Variants in CSMD1 observed in about 807,000 individuals in gnomAD.
CSMD1 encodes the protein CUB and Sushi multiple domains 1.
A neutral mutation model predicts 417.5 loss-of-function variants in CSMD1; 213 were observed. That is an observed-to-expected ratio of 0.51 (90% confidence interval 0.46 to 0.57). The LOEUF (loss-of-function observed/expected upper bound fraction) is 0.57, where lower values mean the gene tolerates loss of function less well. CSMD1 is among the 20% of genes least tolerant of loss of function. CSMD1 has a pLI of 0.00. For missense variants in CSMD1, 6,923 were observed against 4,529.7 expected (o/e 1.53, Z -15.17); for synonymous variants, 2,862 against 1,736.8 (o/e 1.65, Z -16.11).
At position 3,954,345 on chromosome 8, in the gene CSMD1, A is replaced by T. The variant is rs530207710; in HGVS notation, c.818+43558T>A. On this transcript the variant is annotated intron_variant, in intron 5 of 69. Coordinates refer to ENST00000635120, the MANE Select transcript of CSMD1 (RefSeq NM_033225.6). ...GGCTGAAGAGAGAAGGTCAAGAGCCATTTAACTGGGATCCTAGGACTTTTT... is the reference window on the plus strand; with the variant it reads ...GGCTGAAGAGAGAAGGTCAAGAGCCTTTTAACTGGGATCCTAGGACTTTTT... Among the ~76,000 whole-genome samples the T allele has an allele frequency of 1.8e-3, 268 of 152,090 alleles. 2 individuals carry two copies. The highest frequency in any genetic ancestry group is 6.3e-3 in the African/African-American group (262 of 41,382).
chr8:3,462,796 T>A (rs1413847638), intron 12 of CSMD1, among the ~76,000 whole-genome samples: 1 of 151,554 alleles, frequency 6.6e-6, no homozygotes. Flanking sequence ...GGCTGGGGAC[T>A]CTTATCTAAG....
chr8:4,073,197 C>A (rs979217509), intron 3 of CSMD1, among the ~76,000 whole-genome samples: 2 of 151,692 alleles, frequency 1.3e-5, no homozygotes, highest in Non-Finnish European at 2.9e-5. Flanking sequence ...AAAGAACGCT[C>A]ACAACAATAA....
rs754939212 is a variant in CSMD1 at position 3,616,668 on chromosome 8, T to G, written c.1097+42A>C. On this transcript the variant is annotated intron_variant, in intron 8 of 69. Transcript: ENST00000635120. The stretch of plus-strand genomic sequence containing the variant: ...CTGCAAGCTGAAATAATATATGTCT[T>G]AAAAATAACATGCTTTTTTCCACCA... 2.3e-6 allele frequency: 3 copies of G among 1,304,562 alleles called. No individual in the cohort carries two copies. The South Asian group carries it at 3.7e-5, about 16-fold the overall frequency. 80.8% of individuals were successfully genotyped at this position (1,304,562 alleles called of 1,614,324 possible).
chr8:4,607,285 A>G (rs920919841), intron 2 of CSMD1, among the ~76,000 whole-genome samples: 1 of 136,738 alleles, frequency 7.3e-6, no homozygotes, highest in East Asian at 2.3e-4. Context: ...GAAAAAATAA[A>G]TAACAAAAAA....
At chr8:4,750,277 G>C (rs1300248209) in intron 1 of CSMD1, among the ~76,000 whole-genome samples, 2 of 152,162 alleles carry the variant, frequency 1.3e-5, no homozygotes, top group East Asian at 1.9e-4. Flanking sequence ...ACAGTGCTGG[G>C]ATTACAGGGT....
intron 1 of CSMD1, among the ~76,000 whole-genome samples, chr8:4,663,992 G>C (rs1048658340): frequency 1.3e-5 from 2 of 152,140 alleles, no homozygotes; most frequent in Non-Finnish European, 2.9e-5. Context: ...TGTTGTTTCT[G>C]GTTCGGGCAA....
chr8:4,466,533 G>A (rs1300344596), intron 2 of CSMD1, among the ~76,000 whole-genome samples: 1 of 152,188 alleles, frequency 6.6e-6, no homozygotes, highest in Non-Finnish European at 1.5e-5. Flanking sequence ...GGAAAGCTGT[G>A]TTTGGAAAAC....
intron 2 of CSMD1, among the ~76,000 whole-genome samples, chr8:4,571,497 G>C (rs971169335): frequency 2.0e-5 from 3 of 152,160 alleles, no homozygotes; most frequent in African/African-American, 7.2e-5. Flanking sequence ...TTGCACTGTG[G>C]TCTGAGAGAC....
At chr8:4,778,368 A>C (rs17071303) in intron 1 of CSMD1, among the ~76,000 whole-genome samples, 26,498 of 152,070 alleles carry the variant, frequency 0.17, 2,407 homozygotes, top group East Asian at 0.33. Context: ...TTTTTCCACA[A>C]AACTTGATTT....
intron 2 of CSMD1, among the ~76,000 whole-genome samples, chr8:4,512,618 A>T (rs1802882968): frequency 3.3e-5 from 5 of 152,186 alleles, no homozygotes; most frequent in African/African-American, 1.2e-4. Flanking sequence ...CTAATGCACA[A>T]AATAAATTGC....
At chr8:4,143,511 A>T (rs186711740) in intron 3 of CSMD1, among the ~76,000 whole-genome samples, 2 of 150,872 alleles carry the variant, frequency 1.3e-5, no homozygotes, top group African/African-American at 5.0e-5. Context: ...ACTAAAGAAG[A>T]AGTTGATATT....
rs539448904 is a variant in CSMD1, at chr8:4,278,396, T to C, written c.415+141557A>G. ...ATAAAATTATCAGCTATACAGAATA[T>C]GAATACATATTGAGCCACATGATAC... On this transcript the variant is annotated intron_variant, in intron 3 of 69. Transcript: ENST00000635120. Among the ~76,000 whole-genome samples the C allele has an allele frequency of 4.6e-5, 7 of 152,286 alleles. No individual in the cohort carries two copies. The East Asian group carries it at 1.2e-3, about 25-fold the overall frequency.
intron 10 of CSMD1, among the ~76,000 whole-genome samples, chr8:3,495,927 G>A (rs907603240): frequency 1.3e-4 from 19 of 151,926 alleles, no homozygotes; most frequent in African/African-American, 4.6e-4. Context: ...TTAAGTTCCG[G>A]GGTACATGGG....
Position 4,755,553 on chromosome 8 carries a change from T to A in CSMD1, c.86-117995A>T, listed in dbSNP as rs958793529. ...GTCTTATACACCTGTCCTGATTTTCTATTTGATGTAATTTTTTGATGTTCT... is the reference window on the plus strand; with the variant it reads ...GTCTTATACACCTGTCCTGATTTTCAATTTGATGTAATTTTTTGATGTTCT... On this transcript the variant is annotated intron_variant, in intron 1 of 69. Coordinates refer to ENST00000635120, the MANE Select transcript of CSMD1 (RefSeq NM_033225.6). 6.6e-5 allele frequency among the ~76,000 whole-genome samples: 10 copies of A among 152,336 alleles called. 1 individual carries two copies. Among genetic ancestry groups the A allele is most frequent in the Admixed American group, 2.6e-4 (4 of 15,292 alleles).
chr8:3,460,472 T>TA (rs1429984208), intron 12 of CSMD1, among the ~76,000 whole-genome samples: 1 of 152,042 alleles, frequency 6.6e-6, no homozygotes, highest in East Asian at 1.9e-4. Flanking sequence ...TTCATTTTTT[T>TA]AAAAAAGATA....
rs751770926 is a variant in CSMD1 at position 3,307,830 on chromosome 8, GAC to G, written c.3824-11_3824-10del. ...CTGACCACCACATTCCGCTGTAGAA[GAC>G]ACAGAGAGATGGGAACGTTCAGCTT... is the stretch of plus-strand genomic sequence containing the variant. On this transcript the variant is annotated splice_polypyrimidine_tract_variant and intron_variant, in intron 24 of 69. Coordinates refer to ENST00000635120, the MANE Select transcript of CSMD1 (RefSeq NM_033225.6). 20 of 1,607,306 alleles carry G rather than the reference GAC, an allele frequency of 1.2e-5. No homozygotes were observed. In the African/African-American group the frequency reaches 2.1e-4, roughly 17 times the overall value.
intron 7 of CSMD1, among the ~76,000 whole-genome samples, chr8:3,633,313 T>G (rs552702401): frequency 6.6e-6 from 1 of 152,196 alleles, no homozygotes; most frequent in Non-Finnish European, 1.5e-5. Context: ...GTGCATCGTG[T>G]CATACATAAG....
chr8:4,504,953 G>A (rs111781994), intron 2 of CSMD1, among the ~76,000 whole-genome samples: 2,804 of 152,260 alleles, frequency 0.018, 102 homozygotes, highest in African/African-American at 0.064. Context: ...ACGTGTGCAT[G>A]TGTCTTTACA....
chr8:4,180,231 G>A (rs1376801936), intron 3 of CSMD1, among the ~76,000 whole-genome samples: 3 of 151,938 alleles, frequency 2.0e-5, no homozygotes, highest in South Asian at 2.1e-4. Context: ...TATACACCAT[G>A]GTATACTATG....
Sources: allele counts gnomAD v4.1 joint callset (sites outside exome capture counted in the v4.1 genomes callset), GRCh38; gene constraint gnomAD v4.1.1; transcripts MANE v1.5; gene names NCBI Gene and HGNC (gene_info 2026-07-23, HGNC 2026-07-21).